The following PCDHA5 variants were observed in gnomAD, a reference collection of about 807,000 sequenced individuals.
PCDHA5 encodes protocadherin alpha 5, also known as protocadherin alpha-5.
PCDHA5 carries 43 observed loss-of-function variants against 61.6 expected under a neutral mutation model. The observed-to-expected ratio is 0.70, with a 90% CI of 0.55 to 0.90. PCDHA5 has a LOEUF of 0.90. Among genes scored for constraint, PCDHA5 ranks in the 40% least tolerant of loss-of-function variants. PCDHA5 has a pLI of 0.00. For synonymous variants in PCDHA5, 627 were observed against 543.9 expected, an observed-to-expected ratio of 1.15 and a Z score of -2.13; for missense variants, 1,298 against 1,222.7, an observed-to-expected ratio of 1.06 and a Z score of -0.92.
At chr5:140,936,124 C>T (rs2090779585) in intron 1 of PCDHA5, among the ~76,000 whole-genome samples, 1 of 152,130 alleles carries the variant, frequency 6.6e-6, no homozygotes, top group African/African-American at 2.4e-5. Context: ...AACTCCTGAC[C>T]TTAAGTGATC....
Position 140,845,842 on chromosome 5 carries a change from G to T in PCDHA5, c.2352+21715G>T, listed in dbSNP as rs2150381678. Among the ~76,000 whole-genome samples the T allele has an allele frequency of 1.3e-5, 2 of 149,848 alleles. 1 individual carries two copies. The highest frequency in any genetic ancestry group is 6.9e-3 in the Middle Eastern group (2 of 290). On this transcript the variant is annotated intron_variant, in intron 1 of 3. Transcript: ENST00000529859. ...AATTTAGTTATTACCATTCTTAAGA[G>T]AAAAGAAGTTAGTGATTGCAGAAAG...
chr5:140,857,296 G>A, intron 1 of PCDHA5: 1 of 1,598,680 alleles, frequency 6.3e-7, no homozygotes, highest in Non-Finnish European at 8.6e-7. Flanking sequence ...ACCGCGAGAG[G>A]GTGTCGGCCT....
chr5:140,828,231 G>C (rs1554131117), intron 1 of PCDHA5: 7 of 1,613,882 alleles, frequency 4.3e-6, no homozygotes, highest in Non-Finnish European at 5.9e-6. Context: ...TTCGTGGGCC[G>C]GATCGCGCAG....
chr5:141,002,090 A>G (rs1554258504), intron 3 of PCDHA5, among the ~76,000 whole-genome samples: 1 of 152,254 alleles, frequency 6.6e-6, no homozygotes, highest in Non-Finnish European at 1.5e-5. Context: ...CGAGCAGTCC[A>G]GGGGCTGGGC....
intron 1 of PCDHA5, among the ~76,000 whole-genome samples, chr5:140,970,696 C>T (rs2096425637): frequency 6.6e-6 from 1 of 152,144 alleles, no homozygotes; most frequent in Admixed American, 6.5e-5. Flanking sequence ...GCTTTTAGAG[C>T]TACTACACAA....
chr5:140,841,293 TA>T (rs1554138064), intron 1 of PCDHA5: 1 of 1,494,496 alleles, frequency 6.7e-7, no homozygotes, highest in African/African-American at 1.4e-5. Flanking sequence ...ATTAAGATAA[TA>T]TTTTCTGATA....
chr5:140,912,993 T>C (rs186652657), intron 1 of PCDHA5, among the ~76,000 whole-genome samples: 1 of 152,294 alleles, frequency 6.6e-6, no homozygotes, highest in Non-Finnish European at 1.5e-5. Flanking sequence ...TTCAGTTTGC[T>C]AGTATTTTGT....
intron 1 of PCDHA5, among the ~76,000 whole-genome samples, chr5:140,837,948 G>A (rs1426509555): frequency 6.6e-6 from 1 of 151,422 alleles, no homozygotes; most frequent in Non-Finnish European, 1.5e-5. Context: ...CAAAGTATTG[G>A]GATTACAGAC....
Position 140,971,633 on chromosome 5 carries a change from T to A in PCDHA5, c.2353-7316T>A, listed in dbSNP as rs540754440. 2.0e-5 allele frequency among the ~76,000 whole-genome samples: 3 copies of A among 152,294 alleles called. No individual in the cohort carries two copies. The South Asian group carries it at 6.2e-4, about 32-fold the overall frequency. On this transcript the variant is annotated intron_variant, in intron 1 of 3. Transcript: ENST00000529859. ...GAGTCCTGGGGTACAATTAGTACCA[T>A]GTGCCTACATTAAAAGTAGATGGGA...
intron 1 of PCDHA5, chr5:140,929,409 T>G: frequency 6.6e-7 from 1 of 1,506,206 alleles, no homozygotes; most frequent in Non-Finnish European, 8.9e-7. Context: ...GACAAGCCTT[T>G]CACAACATTT....
intron 1 of PCDHA5, chr5:140,843,007 G>T (rs2150349965): frequency 6.3e-7 from 1 of 1,594,864 alleles, no homozygotes; most frequent in African/African-American, 1.3e-5. Flanking sequence ...ATGACAACGC[G>T]CCGGCACTGC....
chr5:140,836,991 C>T, intron 1 of PCDHA5: 3 of 347,628 alleles, frequency 8.6e-6, no homozygotes, highest in African/African-American at 2.1e-5. Context: ...GAGGACTTTG[C>T]TAACTGGAGC....
intron 1 of PCDHA5, among the ~76,000 whole-genome samples, chr5:140,909,701 T>A (rs1038404823): frequency 4.6e-4 from 70 of 152,334 alleles, no homozygotes; most frequent in African/African-American, 1.6e-3. Flanking sequence ...TTCTGCTAGC[T>A]GCTAAGTATA....
intron 1 of PCDHA5, among the ~76,000 whole-genome samples, chr5:140,946,755 A>G (rs1554217843): frequency 3.3e-5 from 5 of 151,400 alleles, no homozygotes. Context: ...ATACTGCATG[A>G]TCTCATTCAT....
chr5:140,934,515 C>A (rs1163045974), intron 1 of PCDHA5, among the ~76,000 whole-genome samples: 1 of 152,214 alleles, frequency 6.6e-6, no homozygotes, highest in Admixed American at 6.5e-5. Context: ...GGTCCATAGA[C>A]CACACTTCGA....
intron 1 of PCDHA5, among the ~76,000 whole-genome samples, chr5:140,898,264 C>T (rs1360270871): frequency 6.6e-6 from 1 of 152,166 alleles, no homozygotes; most frequent in Non-Finnish European, 1.5e-5. Context: ...AGTCCTTGCC[C>T]ATGCCTAAGT....
At chr5:140,870,837 G>A (rs782610375) in intron 1 of PCDHA5, 9 of 1,613,702 alleles carry the variant, frequency 5.6e-6, no homozygotes, top group African/African-American at 1.3e-5. Flanking sequence ...CAGTTAACAA[G>A]CTAGTACCGC....
At chr5:140,948,903 CTTAGGTAACTGA>C (rs1213410342) in intron 1 of PCDHA5, among the ~76,000 whole-genome samples, 1 of 151,196 alleles carries the variant, frequency 6.6e-6, no homozygotes, top group Non-Finnish European at 1.5e-5. Context: ...TAAGTGGATT[CTTAGGTAACTGA>C]TTAGGTAACT....
At chr5:140,829,294 C>T (rs2150165433) in intron 1 of PCDHA5, 1 of 1,614,256 alleles carries the variant, frequency 6.2e-7, no homozygotes, top group South Asian at 1.1e-5. Flanking sequence ...TGTCCACCTT[C>T]AAGAATTACT....
Sources: allele counts gnomAD v4.1 joint callset (sites outside exome capture counted in the v4.1 genomes callset), GRCh38; gene constraint gnomAD v4.1.1; transcripts MANE v1.5; gene names NCBI Gene and HGNC (gene_info 2026-07-23, HGNC 2026-07-21).